The following DLG2 variants were observed in gnomAD, a reference collection of about 807,000 sequenced individuals.
DLG2 encodes the protein disks large homolog 2.
DLG2 carries 45 observed loss-of-function variants against 132.5 expected under a neutral mutation model. The observed-to-expected ratio is 0.34, with a 90% CI of 0.27 to 0.44. DLG2 has a LOEUF of 0.44. DLG2 is among the 20% of genes least tolerant of loss of function. The pLI, the probability that DLG2 is intolerant of heterozygous loss-of-function variation, is 1.00. For synonymous variants in DLG2, 424 were observed against 419.6 expected, an observed-to-expected ratio of 1.01 and a Z score of -0.13; for missense variants, 1,045 against 1,196.9, an observed-to-expected ratio of 0.87 and a Z score of 1.87.
intron 16 of DLG2, among the ~76,000 whole-genome samples, chr11:83,851,131 C>T (rs1358029060): frequency 2.0e-5 from 3 of 150,224 alleles, no homozygotes; most frequent in East Asian, 2.0e-4. Context: ...GAGCTGAGAC[C>T]GCGGCACTGT....
intron 26 of DLG2, among the ~76,000 whole-genome samples, chr11:83,466,399 A>C (rs1337030682): frequency 6.6e-6 from 1 of 152,220 alleles, no homozygotes; most frequent in African/African-American, 2.4e-5. Context: ...AACAACAACA[A>C]AACCTCAAAA....
chr11:84,959,544 G>A (rs966710925), intron 6 of DLG2, among the ~76,000 whole-genome samples: 2 of 152,144 alleles, frequency 1.3e-5, no homozygotes, highest in African/African-American at 4.8e-5. Flanking sequence ...CAAGACCTCA[G>A]TCTTTTACTT....
At chr11:84,416,951 T>C (rs912265473) in intron 7 of DLG2, among the ~76,000 whole-genome samples, 5 of 152,228 alleles carry the variant, frequency 3.3e-5, no homozygotes, top group Admixed American at 1.3e-4. Context: ...GCAATTAGTT[T>C]ATAATTATTG....
intron 4 of DLG2, among the ~76,000 whole-genome samples, chr11:85,271,357 T>C (rs901530962): frequency 2.6e-5 from 4 of 152,268 alleles, no homozygotes; most frequent in African/African-American, 9.6e-5. Flanking sequence ...AAAAGTTTGC[T>C]GCAGCGGTGG....
chr11:84,811,180 C>T (rs745603534), intron 6 of DLG2, among the ~76,000 whole-genome samples: 3 of 152,096 alleles, frequency 2.0e-5, no homozygotes, highest in Non-Finnish European at 4.4e-5. Context: ...AATAAAATTT[C>T]CTTCCCTGTC....
chr11:84,084,965 A>G (rs529886875), intron 10 of DLG2, among the ~76,000 whole-genome samples: 2 of 152,256 alleles, frequency 1.3e-5, no homozygotes, highest in African/African-American at 4.8e-5. Context: ...TTATTTTTAT[A>G]GTGAGGTCTC....
chr11:84,215,695 G>T (rs886608881), intron 8 of DLG2, among the ~76,000 whole-genome samples: 1 of 152,094 alleles, frequency 6.6e-6, no homozygotes, highest in African/African-American at 2.4e-5. Flanking sequence ...CCTATAGAGG[G>T]TCCAGCATCA....
intron 8 of DLG2, among the ~76,000 whole-genome samples, chr11:84,246,576 T>C (rs1394876734): frequency 6.6e-6 from 1 of 152,246 alleles, no homozygotes; most frequent in African/African-American, 2.4e-5. Context: ...CATTGTATGA[T>C]GAAGCTGCTA....
At chr11:84,319,938 A>G (rs2098394458) in intron 7 of DLG2, among the ~76,000 whole-genome samples, 1 of 152,180 alleles carries the variant, frequency 6.6e-6, no homozygotes, top group Admixed American at 6.5e-5. Flanking sequence ...CTTTTCAAAC[A>G]TGACATTTGG....
rs549893390 is a variant in DLG2 at position 83,711,547 on chromosome 11, A to G, written c.1825+75143T>C. ...GTGAGTTTTATATTTATTCTGAAGT[A>G]ACACACTTGGCACCTCAGGCTGACT... On this transcript the variant is annotated intron_variant, in intron 18 of 27. Coordinates refer to ENST00000376104, the MANE Select transcript of DLG2 (RefSeq NM_001142699.3). 1.7e-4 allele frequency among the ~76,000 whole-genome samples: 26 copies of G among 152,304 alleles called. No individual in the cohort carries two copies. In the South Asian group the frequency reaches 3.9e-3, roughly 23 times the overall value.
chr11:84,787,865 G>A (rs1302783243), intron 6 of DLG2, among the ~76,000 whole-genome samples: 1 of 151,396 alleles, frequency 6.6e-6, no homozygotes, highest in Non-Finnish European at 1.5e-5. Context: ...TTGGGAGGCC[G>A]AGACAGGTGG....
intron 6 of DLG2, among the ~76,000 whole-genome samples, chr11:84,803,001 T>C (rs1019640890): frequency 6.6e-6 from 1 of 152,070 alleles, no homozygotes; most frequent in Non-Finnish European, 1.5e-5. Context: ...GGTTTCACAG[T>C]GTTAGCCAGG....
At chr11:83,801,970 AT>A (rs2044518213) in intron 17 of DLG2, among the ~76,000 whole-genome samples, 1 of 152,206 alleles carries the variant, frequency 6.6e-6, no homozygotes, top group Non-Finnish European at 1.5e-5. Context: ...CCAGGTACTA[AT>A]TAGAGTCCTT....
At chr11:85,213,166 A>C (rs1199390664) in intron 4 of DLG2, among the ~76,000 whole-genome samples, 1 of 152,156 alleles carries the variant, frequency 6.6e-6, no homozygotes, top group Non-Finnish European at 1.5e-5. Flanking sequence ...GTTAAGGTAG[A>C]TGCTGTTGAT....
intron 15 of DLG2, among the ~76,000 whole-genome samples, chr11:83,923,455 G>A (rs1184700844): frequency 6.6e-6 from 1 of 152,068 alleles, no homozygotes; most frequent in Non-Finnish European, 1.5e-5. Flanking sequence ...GACAGTTCGG[G>A]CACAATCCTT....
intron 6 of DLG2, among the ~76,000 whole-genome samples, chr11:84,814,326 A>C (rs2076875227): frequency 6.6e-6 from 1 of 152,212 alleles, no homozygotes; most frequent in East Asian, 1.9e-4. Context: ...CTTTCCTTTT[A>C]AAAGTAAACT....
At chr11:85,068,183 A>T (rs1593550903) in intron 6 of DLG2, among the ~76,000 whole-genome samples, 1 of 152,118 alleles carries the variant, frequency 6.6e-6, no homozygotes, top group Admixed American at 6.6e-5. Context: ...TGACAAACCC[A>T]CAGCCAATAT....
intron 6 of DLG2, among the ~76,000 whole-genome samples, chr11:85,039,980 C>T (rs1357384520): frequency 7.9e-5 from 12 of 151,756 alleles, no homozygotes; most frequent in Admixed American, 7.9e-4. Context: ...GAGAGAACAC[C>T]ATCTGGGGGA....
At chr11:83,719,133 T>C (rs936425585) in intron 18 of DLG2, among the ~76,000 whole-genome samples, 3 of 152,196 alleles carry the variant, frequency 2.0e-5, no homozygotes, top group African/African-American at 7.2e-5. Flanking sequence ...CAGTCAGGCC[T>C]AACAGTGACT....
Sources: allele counts gnomAD v4.1 joint callset (sites outside exome capture counted in the v4.1 genomes callset), GRCh38; gene constraint gnomAD v4.1.1; transcripts MANE v1.5; gene names NCBI Gene and HGNC (gene_info 2026-07-23, HGNC 2026-07-21).